Variants in LTN1 observed in about 807,000 individuals in gnomAD.
LTN1 encodes listerin E3 ubiquitin protein ligase 1.
A neutral mutation model predicts 201.2 loss-of-function variants in LTN1; 88 were observed. That is an observed-to-expected ratio of 0.44 (90% CI 0.37 to 0.52). The LOEUF (loss-of-function observed/expected upper bound fraction) is 0.52. Ranked by LOEUF, LTN1 falls within the 20% of genes least tolerant of loss-of-function variation. LTN1 has a pLI of 0.00. For synonymous variants in LTN1, 645 were observed against 713.5 expected (o/e 0.90, Z 1.53); for missense variants, 1,752 against 2,038.7 (o/e 0.86, Z 2.71).
chr21:28,947,872 T>G (rs2146272976), intron 18 of LTN1, among the ~76,000 whole-genome samples: 1 of 149,474 alleles, frequency 6.7e-6, no homozygotes, highest in South Asian at 2.1e-4. Flanking sequence ...ACTAGCCACA[T>G]GACATTATGT....
intron 18 of LTN1, among the ~76,000 whole-genome samples, chr21:28,950,293 A>G (rs1373574646): frequency 6.6e-6 from 1 of 152,142 alleles, no homozygotes; most frequent in Non-Finnish European, 1.5e-5. Context: ...TTGTGAATGG[A>G]ATCTTCTTTT....
In LTN1 at chr21:28,966,626, T is replaced by A. The variant is rs1193356510; in HGVS notation, c.1865A>T (p.Asp622Val). 2 of 1,613,648 alleles carry A rather than the reference T, an allele frequency of 1.2e-6. No individual in the cohort carries two copies. The highest frequency in any genetic ancestry group is 1.7e-6 in the Non-Finnish European group (2 of 1,179,966). Reference protein sequence around the residue: ...QHLRFLSTLLDSFSSSRVFKM... With the variant: ...QHLRFLSTLLVSFSSSRVFKM... The stretch of plus-strand genomic sequence containing the variant: ...AAATACTCGGCTTGAAGAAAAGGAG[T>A]CAAGCAGAGTAGAAAGAAACCTTAG... The change falls in exon 10 of 30, where the codon GAC becomes GTC. Residue 622 changes from aspartate (D) to valine (V), a missense_variant. Around this residue, in one of 3 missense-constraint regions of LTN1, gnomAD observed 1,211 missense variants for 1,312.8 expected, o/e 0.92. Transcript: ENST00000361371.
intron 22 of LTN1, 91 bp from the exon 23 acceptor site, chr21:28,943,995 A>ATCTTTT (rs2084317638): frequency 7.4e-5 from 61 of 823,822 alleles, no homozygotes; most frequent in East Asian, 5.1e-4. Context: ...CATTTAAGAA[A>ATCTTTT]ATGAAATAAA....
intron 18 of LTN1, among the ~76,000 whole-genome samples, chr21:28,947,890 T>TAAAA (rs35151968): frequency 0.22 from 32,104 of 144,004 alleles, 3,786 homozygotes; most frequent in South Asian, 0.28. Flanking sequence ...TGTCCTCTTT[T>TAAAA]AAAAAAAAAA....
chr21:28,988,519 A>T (rs2084719117), intron 1 of LTN1, among the ~76,000 whole-genome samples: 1 of 152,054 alleles, frequency 6.6e-6, no homozygotes, highest in South Asian at 2.1e-4. Flanking sequence ...TGGAAAATTC[A>T]TCTGACAAGG....
chr21:28,943,212 G>C (rs2084310948), intron 24 of LTN1, 50 bp downstream of exon 24: 3 of 1,113,800 alleles, frequency 2.7e-6, no homozygotes, highest in Non-Finnish European at 4.0e-6. Flanking sequence ...CATTATAAGT[G>C]AGATGGATTA....
chr21:28,955,611 G>A (rs1000831243), intron 16 of LTN1, among the ~76,000 whole-genome samples: 1 of 151,756 alleles, frequency 6.6e-6, no homozygotes, highest in African/African-American at 2.4e-5. Context: ...TATGCACAAT[G>A]GAATACTATT....
At chr21:28,980,728 T>C (rs1413741900) in intron 6 of LTN1, among the ~76,000 whole-genome samples, 1 of 152,042 alleles carries the variant, frequency 6.6e-6, no homozygotes, top group African/African-American at 2.4e-5. Flanking sequence ...AAGTAACTAC[T>C]AAGAATGATA....
chr21:28,973,175 C>G (rs1011929365), intron 6 of LTN1, among the ~76,000 whole-genome samples: 1 of 151,440 alleles, frequency 6.6e-6, no homozygotes, highest in Admixed American at 6.6e-5. Flanking sequence ...TAGCAAAACC[C>G]CATCTTTACT....
At chr21:28,950,805 C>T (rs1391051190) in intron 18 of LTN1, among the ~76,000 whole-genome samples, 11 of 152,112 alleles carry the variant, frequency 7.2e-5, no homozygotes, top group Admixed American at 7.2e-4. Context: ...TAAGCCTCCA[C>T]ACCTGGCAAA....
At chr21:28,991,721 AC>A (rs2084747943) in intron 1 of LTN1, among the ~76,000 whole-genome samples, 1 of 152,264 alleles carries the variant, frequency 6.6e-6, no homozygotes, top group Non-Finnish European at 1.5e-5. Flanking sequence ...CAGTAACACA[AC>A]AGGTTGCTAT....
In LTN1 at chr21:28,966,615, A is replaced by G; in HGVS notation, c.1876T>C (p.Ser626Pro). Reference protein sequence around the residue: ...FLSTLLDSFSSSRVFKMLLGD... With the variant: ...FLSTLLDSFSPSRVFKMLLGD... Reference sequence around the variant, plus strand: ...AGTAGCATTTTAAATACTCGGCTTGAAGAAAAGGAGTCAAGCAGAGTAGAA... The same window carrying G: ...AGTAGCATTTTAAATACTCGGCTTGGAGAAAAGGAGTCAAGCAGAGTAGAA... Residue 626 changes from serine to proline, a missense_variant, in exon 10 of 30, where the codon TCA (serine) becomes CCA (proline). Ser to Pro is a moderately conservative substitution (Grantham distance 74). Transcript: ENST00000361371. 6.2e-7 allele frequency: 1 copy of G among 1,614,112 alleles called. No individual in the cohort carries two copies. Among genetic ancestry groups the G allele is most frequent in the Non-Finnish European group, 8.5e-7 (1 of 1,180,014 alleles).
chr21:28,984,787 G>T lies in LTN1; in HGVS notation c.481C>A (p.Pro161Thr). The T allele has an allele frequency of 6.2e-7, 1 of 1,613,976 alleles. No homozygotes were observed. Among genetic ancestry groups the T allele is most frequent in the Non-Finnish European group, 8.5e-7 (1 of 1,179,854 alleles). The change falls in exon 4 of 30, where the codon CCA becomes ACA. Residue 161 changes from proline to threonine, a missense_variant. Around this residue, in one of 3 missense-constraint regions of LTN1, gnomAD observed 280 missense variants for 375.7 expected, o/e 0.75. Coordinates refer to ENST00000361371, the MANE Select transcript of LTN1 (RefSeq NM_015565.3). ...GCATCTTTTGCTGCAAACGCAGCTG[G>T]TGTGTAAGTATCACACTGAGCCATT... is the stretch of plus-strand genomic sequence containing the variant. The part of the protein sequence containing the change: ...WLMAQCDTYT[P>T]AAFAAKDAFE...
intron 13 of LTN1, chr21:28,959,248 A>C (rs982173037): frequency 1.7e-5 from 8 of 476,550 alleles, no homozygotes; most frequent in African/African-American, 1.6e-4. Context: ...ATTTCTTTGA[A>C]TATCAAGTGA....
chr21:28,983,660 G>A (rs1375562986), intron 4 of LTN1, among the ~76,000 whole-genome samples: 2 of 152,158 alleles, frequency 1.3e-5, no homozygotes, highest in Non-Finnish European at 2.9e-5. Context: ...GTGTAATGGA[G>A]AGCCACAGGA....
intron 4 of LTN1, among the ~76,000 whole-genome samples, chr21:28,982,656 T>C (rs2084667974): frequency 6.6e-6 from 1 of 152,216 alleles, no homozygotes; most frequent in Non-Finnish European, 1.5e-5. Flanking sequence ...TGAATGTGAA[T>C]CTGGGAGATA....
intron 14 of LTN1, 24 bp downstream of exon 14, chr21:28,958,362 G>C (rs1323538955): frequency 6.3e-7 from 1 of 1,591,590 alleles, no homozygotes; most frequent in Non-Finnish European, 8.5e-7. Flanking sequence ...AAGAGACACT[G>C]AAACCAAGCT....
chr21:28,975,668 T>C (rs2255564), intron 6 of LTN1, among the ~76,000 whole-genome samples: 22,011 of 152,178 alleles, frequency 0.14, 1,871 homozygotes, highest in African/African-American at 0.24. Flanking sequence ...ACACGAGCTA[T>C]TGCAATGCCT....
chr21:28,960,649 G>T lies in LTN1; in HGVS notation c.2221C>A (p.Leu741Ile). 6.2e-7 allele frequency: 1 copy of T among 1,614,018 alleles called. No individual in the cohort carries two copies. Among genetic ancestry groups the T allele is most frequent in the East Asian group, 2.2e-5 (1 of 44,852 alleles). ...GCCAAGTTGACCAATTTCTCACCAA[G>T]GATATCGCCTTTGAGCCAAGGAGTT... ...LVTPWLKGDI[L>I]GEKLVNLADC... Residue 741 changes from leucine (L) to isoleucine (I), a missense_variant, in exon 12 of 30, where the codon CTT (leucine) becomes ATT (isoleucine). Transcript: ENST00000361371.
Sources: gnomAD v4.1 joint callset for allele counts (sites outside exome capture counted in the v4.1 genomes callset) on GRCh38, gnomAD v4.1.1 for gene constraint, gnomAD v4.1.1 regional missense constraint, MANE v1.5 for transcripts, NCBI Gene and HGNC (gene_info 2026-07-23, HGNC 2026-07-21) for gene names.